Variants in TM2D3 observed in about 807,000 individuals in gnomAD.
The protein encoded by TM2D3 is TM2 domain containing 3.
In TM2D3, 33 loss-of-function variants were observed where a neutral mutation model predicts 27.3. That is an observed-to-expected ratio of 1.21 (90% CI 0.92 to 1.61). The LOEUF (loss-of-function observed/expected upper bound fraction) is 1.61, where lower values mean the gene tolerates loss of function less well. TM2D3 is among the 40% of genes most tolerant of loss of function. The pLI is 0.00. For missense variants in TM2D3, 364 were observed against 320.8 expected (o/e 1.13, Z -1.03); for synonymous variants, 138 against 122.2 (o/e 1.13, Z -0.85).
chr15:101,643,531 G>C (rs933871149), intron 5 of TM2D3, among the ~76,000 whole-genome samples: 4 of 149,662 alleles, frequency 2.7e-5, no homozygotes, highest in African/African-American at 4.9e-5. Context: ...GAACCTGGGA[G>C]GTGGAGCTTG....
chr15:101,647,126 A>G (rs1419564441), intron 3 of TM2D3, among the ~76,000 whole-genome samples: 2 of 152,256 alleles, frequency 1.3e-5, no homozygotes, highest in African/African-American at 2.4e-5. Flanking sequence ...TACTTAAGGG[A>G]AAAAACTAGA....
chr15:101,633,538 G>A, exon 5 of TM2D3: 1 of 623,374 alleles, frequency 1.6e-6, no homozygotes. Flanking sequence ...TCCTGAATAA[G>A]CAGTTCCTAT....
Position 101,645,139 on chromosome 15 carries a change from G to A in TM2D3, c.526C>T (p.Leu176=), listed in dbSNP as rs747138574. ...CLGNRTFPKM[L]YCNWTGGYKW... ...TAGCCTCCAGTCCAATTGCAATATAGCATTTTGGGAAAAGTACGGTTACCT... is the reference window on the plus strand; with the variant it reads ...TAGCCTCCAGTCCAATTGCAATATAACATTTTGGGAAAAGTACGGTTACCT... Residue 176 remains leucine, a synonymous_variant, in exon 5 of 6, where the codon CTA becomes TTA. Transcript: ENST00000333202. The A allele has an allele frequency of 6.2e-7, 1 of 1,612,096 alleles. No homozygotes were observed. Among genetic ancestry groups the A allele is most frequent in the East Asian group, 2.2e-5 (1 of 44,800 alleles).
At position 101,642,358 on chromosome 15, in the gene TM2D3, G is replaced by T; in HGVS notation, c.*121C>A. ...TTTCATTTATCTTACCTTTATCAAG[G>T]CAAACAAAGTACAGATGCTGTACAT... On this transcript the variant is annotated 3_prime_UTR_variant, in exon 6 of 6. Coordinates refer to ENST00000333202, the MANE Select transcript of TM2D3 (RefSeq NM_078474.3). The T allele has an allele frequency of 2.2e-6, 3 of 1,349,432 alleles. No homozygotes were observed. The highest frequency in any genetic ancestry group is 2.2e-5 in the South Asian group (1 of 45,972). 83.6% of individuals were successfully genotyped at this position (1,349,432 alleles called of 1,614,324 possible). A position where few individuals can be genotyped will look rare whatever the true frequency, so the allele number is the denominator to read the frequency against.
chr15:101,645,091 G>C lies in TM2D3; in HGVS notation c.574C>G (p.Leu192Val). Reference protein sequence around the residue: ...GGYKWSTALALSITLGGFGAD... With the variant: ...GGYKWSTALAVSITLGGFGAD... ...CTTACGAGTAACAAGGCTTACCTTA[G>C]AGCCAGAGCCGTAGACCACTTATAG... Residue 192 changes from leucine (L) to valine (V), a missense_variant, in exon 5 of 6, where the codon CTA (leucine) becomes GTA (valine). Leu to Val is a conservative substitution (Grantham distance 32). Transcript: ENST00000333202. The C allele has an allele frequency of 6.2e-7, 1 of 1,613,064 alleles. No homozygotes were observed. The highest frequency in any genetic ancestry group is 8.5e-7 in the Non-Finnish European group (1 of 1,179,706).
downstream of TM2D3, among the ~76,000 whole-genome samples, chr15:101,641,528 T>C (rs1029028937): frequency 6.6e-6 from 1 of 152,242 alleles, no homozygotes; most frequent in African/African-American, 2.4e-5. Flanking sequence ...GTCTTCTGGA[T>C]AATACACACA....
At chr15:101,640,471 G>C (rs563316982), downstream of TM2D3, among the ~76,000 whole-genome samples, 1 of 152,142 alleles carries the variant, frequency 6.6e-6, no homozygotes, top group Non-Finnish European at 1.5e-5. Context: ...GCCGTTTATG[G>C]TATTGTTATA....
chr15:101,645,804 CAAT>C (rs1028452493), intron 4 of TM2D3: 1 of 126,576 alleles, frequency 7.9e-6, no homozygotes, highest in Non-Finnish European at 1.8e-5. Flanking sequence ...TGAAAATATA[CAAT>C]AATGCAAAAA....
chr15:101,646,392 C>G (rs1896805682), intron 4 of TM2D3: 2 of 297,172 alleles, frequency 6.7e-6, no homozygotes, highest in Admixed American at 4.9e-5. Flanking sequence ...GAAAGGCAAC[C>G]AGGTGAAGGC....
At chr15:101,643,749 A>G (rs1896733061) in intron 5 of TM2D3, among the ~76,000 whole-genome samples, 1 of 151,926 alleles carries the variant, frequency 6.6e-6, no homozygotes, top group African/African-American at 2.4e-5. Flanking sequence ...GAACTCTACT[A>G]TCTTTGCAAC....
chr15:101,648,887 C>G (rs1896891971), intron 3 of TM2D3, among the ~76,000 whole-genome samples: 1 of 152,122 alleles, frequency 6.6e-6, no homozygotes, highest in Non-Finnish European at 1.5e-5. Context: ...AACATAAATT[C>G]CTACATGTAC....
In TM2D3 at chr15:101,642,624, C is replaced by G; in HGVS notation, c.599G>C (p.Gly200Ala). ...CTGGCCCAGGTAGAAACGGTCTGCTCCAAACCCACCGAGGGTGATGCTGCG... is the reference window on the plus strand; with the variant it reads ...CTGGCCCAGGTAGAAACGGTCTGCTGCAAACCCACCGAGGGTGATGCTGCG... ...LALSITLGGFGADRFYLGQWR... is the reference protein window; with the variant it reads ...LALSITLGGFAADRFYLGQWR... The change falls in exon 6 of 6, where the codon GGA becomes GCA. Residue 200 changes from glycine to alanine, a missense_variant. Coordinates refer to ENST00000333202, the MANE Select transcript of TM2D3 (RefSeq NM_078474.3). 1 of 1,609,864 alleles carries G rather than the reference C, an allele frequency of 6.2e-7. No individual in the cohort carries two copies. The highest frequency in any genetic ancestry group is 1.1e-5 in the South Asian group (1 of 90,504).
At chr15:101,641,220 C>T (rs181876096), downstream of TM2D3, among the ~76,000 whole-genome samples, 290 of 152,316 alleles carry the variant, frequency 1.9e-3, 3 homozygotes, top group African/African-American at 6.6e-3. Context: ...TCCACATAAA[C>T]CGGGTTACTC....
chr15:101,646,514 T>C, intron 4 of TM2D3: 1 of 555,298 alleles, frequency 1.8e-6, no homozygotes, highest in Non-Finnish European at 3.2e-6. Flanking sequence ...GTTTTTCTTA[T>C]TTTATCAAAT....
chr15:101,648,759 G>A (rs1039841612), intron 3 of TM2D3, among the ~76,000 whole-genome samples: 1 of 152,274 alleles, frequency 6.6e-6, no homozygotes, highest in South Asian at 2.1e-4. Flanking sequence ...TCTATTACAC[G>A]TGTACCATAA....
chr15:101,644,089 G>T (rs1483246336), intron 5 of TM2D3, among the ~76,000 whole-genome samples: 1 of 152,098 alleles, frequency 6.6e-6, no homozygotes, highest in Non-Finnish European at 1.5e-5. Flanking sequence ...CAAGCAATCC[G>T]CCAGCCTCGG....
chr15:101,637,296 CAG>C (rs1416192291), downstream of TM2D3, among the ~76,000 whole-genome samples: 1 of 152,106 alleles, frequency 6.6e-6, no homozygotes, highest in Non-Finnish European at 1.5e-5. Flanking sequence ...TTGCGAGCTT[CAG>C]AGAGAATAGA....
rs903111775 is a variant in TM2D3, at chr15:101,651,793, A to G, written c.92-20T>C. ...ATTGCTCTAAATTTAAGGATCGTAC[A>G]ATTAGAGAAACACGTTATCCCGGGA... On this transcript the variant is annotated intron_variant, in intron 1 of 5. Transcript: ENST00000333202. 3.7e-6 allele frequency: 6 copies of G among 1,613,378 alleles called. No homozygotes were observed. The highest frequency in any genetic ancestry group is 5.1e-6 in the Non-Finnish European group (6 of 1,179,290).
In TM2D3 at chr15:101,642,373, A is replaced by G. The variant is rs1196190305; in HGVS notation, c.*106T>C. The G allele has an allele frequency of 7.1e-7, 1 of 1,401,094 alleles. No individual in the cohort carries two copies. The highest frequency in any genetic ancestry group is 9.3e-7 in the Non-Finnish European group (1 of 1,072,708). 86.8% of individuals were successfully genotyped at this position (1,401,094 alleles called of 1,614,324 possible). A position where few individuals can be genotyped will look rare whatever the true frequency, so the allele number is the denominator to read the frequency against. ...CTTTATCAAGGCAAACAAAGTACAG[A>G]TGCTGTACATTAAAAACATAGAAAT... On this transcript the variant is annotated 3_prime_UTR_variant, in exon 6 of 6. Coordinates refer to ENST00000333202, the MANE Select transcript of TM2D3 (RefSeq NM_078474.3).
Sources: allele counts gnomAD v4.1 joint callset (sites outside exome capture counted in the v4.1 genomes callset), GRCh38; gene constraint gnomAD v4.1.1; transcripts MANE v1.5; gene names NCBI Gene and HGNC (gene_info 2026-07-23, HGNC 2026-07-21).